Variants in SURF4 observed in about 807,000 individuals in gnomAD.
The protein encoded by SURF4 is surfeit 4.
A neutral mutation model predicts 30.0 loss-of-function variants in SURF4; 3 were observed. The ratio of observed to expected loss-of-function variants is 0.10; its 90% CI spans 0.05 to 0.26. SURF4 has a LOEUF of 0.26. Among genes scored for constraint, SURF4 ranks in the 10% least tolerant of loss-of-function variants. SURF4 has a pLI of 1.00. For synonymous variants in SURF4, 143 were observed against 139.9 expected (o/e 1.02, Z -0.16); for missense variants, 217 against 350.8 (o/e 0.62, Z 3.05).
At chr9:133,369,758 G>A (rs1165302192) in intron 1 of SURF4, among the ~76,000 whole-genome samples, 1 of 152,228 alleles carries the variant, frequency 6.6e-6, no homozygotes, top group Non-Finnish European at 1.5e-5. Flanking sequence ...GGCACACGAT[G>A]TGCCACTGCT....
In SURF4 at chr9:133,373,909, C is replaced by CAAAAAAAAAAA. The variant is rs2130215856; in HGVS notation, c.48+2002_48+2012dup. 3.9e-3 allele frequency among the ~76,000 whole-genome samples: 185 copies of CAAAAAAAAAAA among 47,488 alleles called. 3 individuals are homozygous for CAAAAAAAAAAA. Among genetic ancestry groups the CAAAAAAAAAAA allele is most frequent in the South Asian group, 6.5e-3 (5 of 768 alleles). The allele number at this position is 47,488 out of a possible 152,430, so 31.2% of individuals were successfully genotyped here. On this transcript the variant is annotated intron_variant, in intron 1 of 5. Transcript: ENST00000371989. ...CTCCAGCCTGAGCGAAATTCTGTCT[C>CAAAAAAAAAAA]AAAAAAAAAAAAAAAAAAAAAAAAA...
intron 1 of SURF4, chr9:133,372,498 G>C (rs768541031): frequency 6.6e-5 from 48 of 725,292 alleles, no homozygotes; most frequent in Non-Finnish European, 8.1e-5. Context: ...TTCACAAAAG[G>C]AATGTCTATC....
intron 1 of SURF4, among the ~76,000 whole-genome samples, chr9:133,370,256 GT>G (rs1474351941): frequency 6.6e-6 from 1 of 152,224 alleles, no homozygotes; most frequent in Non-Finnish European, 1.5e-5. Flanking sequence ...GAGAGAGAAG[GT>G]GGGACAGGCA....
rs1403261138 is a variant in SURF4 at position 133,371,373 on chromosome 9, TC to T, written c.49-3929del. 6.2e-4 allele frequency among the ~76,000 whole-genome samples: 94 copies of T among 152,114 alleles called. 4 individuals carry two copies. Among genetic ancestry groups the T allele is most frequent in the Admixed American group, 6.0e-3 (92 of 15,286 alleles). On this transcript the variant is annotated intron_variant, in intron 1 of 5. Transcript: ENST00000371989. ...ACTGGCTCACTGCAGCTCCAGAACT[TC>T]CCCGAGCCCCGCTCCCATGCTGCTC... is the stretch of plus-strand genomic sequence containing the variant.
At position 133,375,904 on chromosome 9, in the gene SURF4, G is replaced by A. The variant is rs1035816529; in HGVS notation, c.48+18C>T. ...CTGGGTCGGGACCGGGGCCGGGGGA[G>A]GAGCCCGCAGGCCGCACCTGGTCGG... On this transcript the variant is annotated intron_variant, in intron 1 of 5. Coordinates refer to ENST00000371989, the MANE Select transcript of SURF4 (RefSeq NM_033161.4). 13 of 1,223,968 alleles carry A rather than the reference G, an allele frequency of 1.1e-5. No homozygotes were observed. In the African/African-American group the frequency reaches 1.9e-4, roughly 18 times the overall value. The allele number at this position is 1,223,968 out of a possible 1,614,324, so 75.8% of individuals were successfully genotyped here.
chr9:133,365,172 G>T, intron 4 of SURF4, 146 bp from the exon 5 acceptor site: 1 of 719,920 alleles, frequency 1.4e-6, no homozygotes. Flanking sequence ...AGCAGGACCA[G>T]GCAGGCATGC....
At chr9:133,372,078 A>AT (rs1220977324) in intron 1 of SURF4, among the ~76,000 whole-genome samples, 2 of 152,216 alleles carry the variant, frequency 1.3e-5, no homozygotes, top group Non-Finnish European at 2.9e-5. Flanking sequence ...AGGCATGGAC[A>AT]TTAGTTTGGA....
In SURF4 at chr9:133,363,329, G is replaced by T; in HGVS notation, c.*164C>A. The T allele has an allele frequency of 8.6e-7, 1 of 1,166,280 alleles. No individual in the cohort carries two copies. Among genetic ancestry groups the T allele is most frequent in the Non-Finnish European group, 1.3e-6 (1 of 796,096 alleles). 72.2% of individuals were successfully genotyped at this position (1,166,280 alleles called of 1,614,324 possible). On this transcript the variant is annotated 3_prime_UTR_variant, in exon 6 of 6. Transcript: ENST00000371989. The surrounding 1 kb of genome is among the most constrained non-coding windows in gnomAD (Gnocchi z 4.3). ...TGGCTCCAGAGCAGACTGAGCCATC[G>T]ATTCTCAGGTGTCTCTGCAAATAAA...
intron 1 of SURF4, 119 bp downstream of exon 1, chr9:133,375,803 G>C: frequency 9.5e-7 from 1 of 1,056,814 alleles, no homozygotes; most frequent in Admixed American, 4.5e-5. Context: ...GTCCCCCTGT[G>C]GGAACAAGGA....
chr9:133,365,201 G>C (rs950257047), intron 4 of SURF4, among the ~76,000 whole-genome samples, 175 bp from the exon 5 acceptor site: 1 of 152,076 alleles, frequency 6.6e-6, no homozygotes, highest in Admixed American at 6.5e-5. Flanking sequence ...CCTCAGACTC[G>C]AGTTACACCC....
chr9:133,363,800 G>C lies in SURF4; in HGVS notation c.544-41C>G. The C allele has an allele frequency of 6.2e-7, 1 of 1,611,590 alleles. No homozygotes were observed. Among genetic ancestry groups the C allele is most frequent in the Non-Finnish European group, 8.5e-7 (1 of 1,178,124 alleles). ...CGTAAGAAATTCAAAATAAATGTGAGGAAAAGAGATGCTTTATAAACAAAA... is the reference window on the plus strand; with the variant it reads ...CGTAAGAAATTCAAAATAAATGTGACGAAAAGAGATGCTTTATAAACAAAA... On this transcript the variant is annotated intron_variant, in intron 5 of 5. Coordinates refer to ENST00000371989, the MANE Select transcript of SURF4 (RefSeq NM_033161.4). This position sits in a 1 kb window ranked among gnomAD's most constrained non-coding sequence, Gnocchi z 4.3.
chr9:133,375,315 T>C (rs1450666821), intron 1 of SURF4: 3 of 985,082 alleles, frequency 3.0e-6, no homozygotes, highest in Non-Finnish European at 2.4e-6. Context: ...CCCCACTCAA[T>C]CCAGCCCAGG....
chr9:133,375,358 G>A (rs955728837), intron 1 of SURF4: 3 of 985,512 alleles, frequency 3.0e-6, no homozygotes, highest in Non-Finnish European at 3.6e-6. Flanking sequence ...GACGCAGACA[G>A]GGTCAAAGGG....
upstream of SURF4, chr9:133,376,089 G>A: frequency 8.3e-7 from 1 of 1,204,650 alleles, no homozygotes; most frequent in Non-Finnish European, 1.0e-6. Context: ...CTCCGCGTCG[G>A]CTGCGGCTCC....
At position 133,363,009 on chromosome 9, in the gene SURF4, T is replaced by A; in HGVS notation, c.*484A>T. 4.0e-6 allele frequency: 1 copy of A among 249,654 alleles called. No homozygotes were observed. The allele number at this position is 249,654 out of a possible 1,614,324, so 15.5% of individuals were successfully genotyped here. ...AGAAACAACATCAAAGCCACTGGTG[T>A]GATTTTAAACCAGGGAGATTAACTG... On this transcript the variant is annotated 3_prime_UTR_variant, in exon 6 of 6. Transcript: ENST00000371989. The surrounding 1 kb of genome is among the most constrained non-coding windows in gnomAD (Gnocchi z 4.3).
At chr9:133,375,720 G>A (rs1002202840) in intron 1 of SURF4, among the ~76,000 whole-genome samples, 2 of 152,126 alleles carry the variant, frequency 1.3e-5, no homozygotes, top group African/African-American at 4.8e-5. Flanking sequence ...GAGCGGCCCA[G>A]CGGGCAGGGG....
Position 133,366,037 on chromosome 9 carries a change from AAAG to A in SURF4, c.313-12_313-10del, listed in dbSNP as rs1226072677. ...ATGCTGTAGGCAATCGTCTGAGGGG[AAAG>A]AAGAGAGAGATACTTGAGTCTCAGC... On this transcript the variant is annotated splice_polypyrimidine_tract_variant and intron_variant, in intron 3 of 5. Transcript: ENST00000371989. The A allele has an allele frequency of 5.0e-6, 8 of 1,613,804 alleles. No homozygotes were observed. The African/African-American group carries it at 9.3e-5, about 19-fold the overall frequency.
At position 133,362,205 on chromosome 9, in the gene SURF4, G is replaced by A. The variant is rs1413828618; in HGVS notation, c.*1288C>T. On this transcript the variant is annotated 3_prime_UTR_variant, in exon 6 of 6. Coordinates refer to ENST00000371989, the MANE Select transcript of SURF4 (RefSeq NM_033161.4). ...GCCGCAGCAGCCCTGGAGACAGGCT[G>A]AGCCAGCCTGTCCCCAGATAGGTCT... 6.6e-6 allele frequency: 1 copy of A among 151,008 alleles called. No homozygotes were observed. Among genetic ancestry groups the A allele is most frequent in the East Asian group, 1.9e-4 (1 of 5,180 alleles). 9.4% of individuals were successfully genotyped at this position (151,008 alleles called of 1,614,324 possible). A position where few individuals can be genotyped will look rare whatever the true frequency, so the allele number is the denominator to read the frequency against.
In SURF4 at chr9:133,364,996, C is replaced by T. The variant is rs1837082127; in HGVS notation, c.387G>A (p.Leu129=). The T allele has an allele frequency of 1.3e-6, 2 of 1,593,776 alleles. No homozygotes were observed. Among genetic ancestry groups the T allele is most frequent in the African/African-American group, 1.3e-5 (1 of 74,560 alleles). ...CTTCAGAACGGGATTCTGCTAGGAG[C>T]AGCAACAGGCCTCCTCCCAGGGCCA... ...RNLALGGGLL[L]LLAESRSEGK... is the part of the protein sequence containing the mutation. Residue 129 remains leucine (L), a synonymous_variant, in exon 5 of 6, where the codon CTG becomes CTA. Coordinates refer to ENST00000371989, the MANE Select transcript of SURF4 (RefSeq NM_033161.4).
Sources: allele counts gnomAD v4.1 joint callset (sites outside exome capture counted in the v4.1 genomes callset), GRCh38; gene constraint gnomAD v4.1.1; non-coding constraint Gnocchi (gnomAD v3.1); transcripts MANE v1.5; gene names NCBI Gene and HGNC (gene_info 2026-07-23, HGNC 2026-07-21).